The following RBFOX1 variants were observed in gnomAD, a reference collection of about 807,000 sequenced individuals.
RBFOX1 encodes the protein RNA binding protein fox-1 homolog 1.
Under a neutral mutation model 57.7 loss-of-function variants are expected in RBFOX1, and 8 were observed. The observed-to-expected ratio is 0.14, with a 90% CI of 0.08 to 0.25. The LOEUF (loss-of-function observed/expected upper bound fraction) is 0.25, where lower values mean the gene tolerates loss of function less well. RBFOX1 is among the 10% of genes least tolerant of loss of function. The pLI, the probability that RBFOX1 is intolerant of heterozygous loss-of-function variation, is 1.00. For synonymous variants in RBFOX1, 326 were observed against 222.4 expected (o/e 1.47, Z -4.15); for missense variants, 611 against 548.5 (o/e 1.11, Z -1.14).
intron 1 of RBFOX1, among the ~76,000 whole-genome samples, chr16:5,430,712 C>T (rs936736142): frequency 6.6e-6 from 1 of 152,216 alleles, no homozygotes; most frequent in Non-Finnish European, 1.5e-5. Flanking sequence ...TATAAACTTC[C>T]TGCTGCGCCA....
At chr16:5,728,720 C>A (rs2052247908) in intron 3 of RBFOX1, among the ~76,000 whole-genome samples, 1 of 152,146 alleles carries the variant, frequency 6.6e-6, no homozygotes, top group Non-Finnish European at 1.5e-5. Flanking sequence ...CTGAGAGTCT[C>A]CTGAAATAAG....
intron 2 of RBFOX1, among the ~76,000 whole-genome samples, chr16:6,436,465 A>G (rs1400935173): frequency 1.6e-4 from 24 of 151,194 alleles, no homozygotes; most frequent in Admixed American, 1.6e-3. Flanking sequence ...TTGTTGTAAA[A>G]CATGCTGTGA....
At chr16:6,844,070 C>A (rs1025153900) in intron 3 of RBFOX1, among the ~76,000 whole-genome samples, 4 of 151,950 alleles carry the variant, frequency 2.6e-5, no homozygotes, top group Admixed American at 1.3e-4. Context: ...TCTCTCTCTC[C>A]CCACCCCCAA....
intron 1 of RBFOX1, among the ~76,000 whole-genome samples, chr16:5,246,817 T>G (rs113385369): frequency 0.022 from 3,422 of 152,138 alleles, 116 homozygotes; most frequent in African/African-American, 0.071. Context: ...AGTACAGGCA[T>G]GCACCACCAC....
At chr16:5,745,070 T>G (rs1183019177) in intron 3 of RBFOX1, among the ~76,000 whole-genome samples, 3 of 152,194 alleles carry the variant, frequency 2.0e-5, no homozygotes, top group Non-Finnish European at 1.5e-5. Flanking sequence ...ATTAGGTATA[T>G]CTCCCAGTGC....
intron 2 of RBFOX1, among the ~76,000 whole-genome samples, chr16:6,482,480 T>G (rs2095386716): frequency 6.6e-6 from 1 of 152,210 alleles, no homozygotes; most frequent in Non-Finnish European, 1.5e-5. Flanking sequence ...AAAAGTGAAA[T>G]AGATCTATGA....
At chr16:5,371,174 CT>C (rs1182553493) in intron 1 of RBFOX1, among the ~76,000 whole-genome samples, 4 of 152,180 alleles carry the variant, frequency 2.6e-5, no homozygotes, top group Non-Finnish European at 2.9e-5. Flanking sequence ...TCTCAAACTC[CT>C]GACCTCAGGT....
chr16:6,039,080 C>G (rs141331746), intron 1 of RBFOX1: 1 of 151,298 alleles, frequency 6.6e-6, no homozygotes, highest in Non-Finnish European at 1.5e-5. Context: ...TTTCCACTCC[C>G]CAGACCAAAC....
At chr16:7,625,206 G>C (rs919702544) in intron 10 of RBFOX1, among the ~76,000 whole-genome samples, 12 of 152,048 alleles carry the variant, frequency 7.9e-5, no homozygotes, top group African/African-American at 2.9e-4. Context: ...GTGTTATCTG[G>C]AGGTGGCCAT....
At chr16:6,634,887 TA>T (rs1314682137) in intron 2 of RBFOX1, among the ~76,000 whole-genome samples, 1 of 138,516 alleles carries the variant, frequency 7.2e-6, no homozygotes, top group African/African-American at 2.6e-5. Flanking sequence ...TATTATAAAT[TA>T]AAAATACACA....
chr16:6,792,306 T>G (rs1483682017), intron 3 of RBFOX1, among the ~76,000 whole-genome samples: 1 of 152,204 alleles, frequency 6.6e-6, no homozygotes, highest in African/African-American at 2.4e-5. Flanking sequence ...TGGAAAACGT[T>G]GCTCAGGATG....
In RBFOX1 at chr16:6,802,753, C is replaced by T. The variant is rs1025955270; in HGVS notation, c.-16+148103C>T. Among the ~76,000 whole-genome samples, 5 of 152,150 alleles carry T rather than the reference C, an allele frequency of 3.3e-5. No individual in the cohort carries two copies. The South Asian group carries it at 8.3e-4, about 25-fold the overall frequency. ...CATTTCGGCAAAAGCCATTCCCCCA[C>T]GTTGTTGTAAGAATCTGATTGTTAG... On this transcript the variant is annotated intron_variant, in intron 3 of 15. Transcript: ENST00000550418.
chr16:6,683,551 T>A (rs890259382), intron 3 of RBFOX1, among the ~76,000 whole-genome samples: 1 of 152,358 alleles, frequency 6.6e-6, no homozygotes, highest in Non-Finnish European at 1.5e-5. Flanking sequence ...TTTGTTTTCG[T>A]TACAAATATA....
chr16:6,888,364 G>A (rs150908830), intron 3 of RBFOX1, among the ~76,000 whole-genome samples: 4 of 151,962 alleles, frequency 2.6e-5, no homozygotes, highest in East Asian at 1.9e-4. Context: ...AAACTTTTTC[G>A]TTTTTTTGTG....
chr16:7,153,628 T>C (rs1252996851), intron 4 of RBFOX1, among the ~76,000 whole-genome samples: 1 of 150,404 alleles, frequency 6.6e-6, no homozygotes, highest in Non-Finnish European at 1.5e-5. Context: ...GGGGCGCCTA[T>C]AATTCCAGCT....
chr16:7,276,405 C>G (rs913821794), intron 4 of RBFOX1, among the ~76,000 whole-genome samples: 9 of 152,188 alleles, frequency 5.9e-5, no homozygotes, highest in Non-Finnish European at 1.3e-4. Context: ...CCTGAAGAGC[C>G]TGGACATCCA....
At chr16:5,254,013 C>T (rs191190697) in intron 1 of RBFOX1, among the ~76,000 whole-genome samples, 10 of 152,322 alleles carry the variant, frequency 6.6e-5, no homozygotes, top group Non-Finnish European at 1.2e-4. Context: ...CAGCTTCCTA[C>T]TTCTGTGTGT....
intron 2 of RBFOX1, among the ~76,000 whole-genome samples, chr16:5,510,444 AG>A (rs2043542742): frequency 6.6e-6 from 1 of 152,176 alleles, no homozygotes; most frequent in African/African-American, 2.4e-5. Flanking sequence ...CTGGTGGAGC[AG>A]AAACATGGCC....
chr16:7,370,594 T>C (rs1200428181), intron 4 of RBFOX1, among the ~76,000 whole-genome samples: 5 of 152,154 alleles, frequency 3.3e-5, no homozygotes, highest in African/African-American at 1.2e-4. Flanking sequence ...CCTTGCAGAG[T>C]TGATAGCATG....
Sources: allele counts gnomAD v4.1 joint callset (sites outside exome capture counted in the v4.1 genomes callset), GRCh38; gene constraint gnomAD v4.1.1; transcripts MANE v1.5; gene names NCBI Gene and HGNC (gene_info 2026-07-23, HGNC 2026-07-21).